Variants in COL5A2 observed in about 807,000 individuals in gnomAD.
The protein encoded by COL5A2 is collagen alpha-2(V) chain.
COL5A2 carries 23 observed loss-of-function variants against 208.2 expected under a neutral mutation model. That is an observed-to-expected ratio of 0.11 (90% confidence interval 0.08 to 0.16). COL5A2 has a LOEUF of 0.16. COL5A2 is among the 10% of genes least tolerant of loss of function. The pLI, the probability that COL5A2 is intolerant of heterozygous loss-of-function variation, is 1.00. For synonymous variants in COL5A2, 625 were observed against 628.5 expected (o/e 0.99, Z 0.08); for missense variants, 1,590 against 1,956.4 (o/e 0.81, Z 3.53).
At chr2:189,364,468 C>T in the COL5A2 span, among the ~76,000 whole-genome samples, 1 of 152,110 alleles carries the variant, frequency 6.6e-6, no homozygotes, top group Non-Finnish European at 1.5e-5. Flanking sequence ...GGGTAAATTA[C>T]CTGAGGACAG....
the COL5A2 span, among the ~76,000 whole-genome samples, chr2:189,400,772 A>G: frequency 6.6e-6 from 1 of 152,214 alleles, no homozygotes; most frequent in South Asian, 2.1e-4. Flanking sequence ...TGTTCTGAGG[A>G]ACAATGATTA....
At chr2:189,134,532 T>C (rs1455507515) in intron 1 of COL5A2, among the ~76,000 whole-genome samples, 1 of 152,184 alleles carries the variant, frequency 6.6e-6, no homozygotes, top group African/African-American at 2.4e-5. Context: ...GAGGTTGCAG[T>C]GAGTCAAGAT....
the COL5A2 span, among the ~76,000 whole-genome samples, chr2:189,346,013 T>C: frequency 0.036 from 5,546 of 152,304 alleles, 117 homozygotes; most frequent in Admixed American, 0.05. Context: ...TCCAACACTC[T>C]TTTCCAACTT....
At chr2:189,133,401 G>A (rs1399717635) in intron 1 of COL5A2, among the ~76,000 whole-genome samples, 1 of 151,958 alleles carries the variant, frequency 6.6e-6, no homozygotes, top group Non-Finnish European at 1.5e-5. Context: ...GATTACAAGC[G>A]TGAGCCACCA....
chr2:189,100,206 G>GGCATATTCTAGGGTGACATGTTT, intron 3 of COL5A2, 67 bp from the exon 4 acceptor site: 1 of 1,255,090 alleles, frequency 8.0e-7, no homozygotes, highest in Non-Finnish European at 1.2e-6. Context: ...GCAAAAACAT[G>GGCATATTCTAGGGTGACATGTTT]TCACCCTAGA....
the COL5A2 span, among the ~76,000 whole-genome samples, chr2:189,361,912 TC>T: frequency 6.6e-6 from 1 of 152,204 alleles, no homozygotes; most frequent in Admixed American, 6.5e-5. Context: ...AATACCATTC[TC>T]CCCCACATTT....
At chr2:189,386,411 T>C in the COL5A2 span, among the ~76,000 whole-genome samples, 30 of 152,110 alleles carry the variant, frequency 2.0e-4, no homozygotes, top group Non-Finnish European at 3.8e-4. Flanking sequence ...CTTCTTGATA[T>C]TGGCATTGGC....
chr2:189,393,010 G>A, the COL5A2 span, among the ~76,000 whole-genome samples: 31 of 152,202 alleles, frequency 2.0e-4, no homozygotes, highest in East Asian at 6.0e-3. Flanking sequence ...TTACAGAATA[G>A]AACTCTACGC....
At chr2:189,256,972 T>C in the COL5A2 span, among the ~76,000 whole-genome samples, 1 of 152,222 alleles carries the variant, frequency 6.6e-6, no homozygotes, top group Non-Finnish European at 1.5e-5. Context: ...CCTTTTTGGA[T>C]GCATCTTAAC....
the COL5A2 span, among the ~76,000 whole-genome samples, chr2:189,379,419 T>G: frequency 6.6e-6 from 1 of 152,212 alleles, no homozygotes; most frequent in East Asian, 1.9e-4. Context: ...AGGCATTTTT[T>G]ACGGCTGGAT....
the COL5A2 span, among the ~76,000 whole-genome samples, chr2:189,331,260 G>A: frequency 1.3e-5 from 2 of 152,200 alleles, no homozygotes; most frequent in Non-Finnish European, 2.9e-5. Context: ...GCCAGGTGCA[G>A]TGGCTCACAC....
In COL5A2 at chr2:189,097,190, T is replaced by A. The variant is rs906413955; in HGVS notation, c.456+87A>T. The A allele has an allele frequency of 1.2e-5, 15 of 1,251,042 alleles. No individual in the cohort carries two copies. In the East Asian group the frequency reaches 3.2e-4, roughly 27 times the overall value. The allele number at this position is 1,251,042 out of a possible 1,614,324, so 77.5% of individuals were successfully genotyped here. On this transcript the variant is annotated intron_variant, in intron 6 of 53. Coordinates refer to ENST00000374866, the MANE Select transcript of COL5A2 (RefSeq NM_000393.5). Reference sequence around the variant, plus strand: ...TTTAATGGAGGTGAAAGAGGAATAGTGCTCCCAGCTTCTTGCTGCATTCAG... The same window carrying A: ...TTTAATGGAGGTGAAAGAGGAATAGAGCTCCCAGCTTCTTGCTGCATTCAG...
the COL5A2 span, among the ~76,000 whole-genome samples, chr2:189,329,183 T>C: frequency 6.6e-6 from 1 of 152,150 alleles, no homozygotes; most frequent in Non-Finnish European, 1.5e-5. Context: ...ACAACATGCA[T>C]GAACCTGGAG....
rs75085784 is a variant in COL5A2 at position 189,114,704 on chromosome 2, G to A, written c.98-4255C>T. Reference sequence around the variant, plus strand: ...CGGTCAGGGAGTAGGGTGGGGTTGCGGGAGGGAGAGCATTAGTAAAAATTA... The same window carrying A: ...CGGTCAGGGAGTAGGGTGGGGTTGCAGGAGGGAGAGCATTAGTAAAAATTA... On this transcript the variant is annotated intron_variant, in intron 1 of 53. Transcript: ENST00000374866. Among the ~76,000 whole-genome samples the A allele has an allele frequency of 6.1e-3, 929 of 151,270 alleles. 9 individuals carry two copies. The highest frequency in any genetic ancestry group is 0.021 in the African/African-American group (858 of 41,214).
At chr2:189,381,275 T>G in the COL5A2 span, among the ~76,000 whole-genome samples, 2 of 152,042 alleles carry the variant, frequency 1.3e-5, no homozygotes, top group Non-Finnish European at 2.9e-5. Context: ...CTATCTCTGA[T>G]GAAGAAACAT....
the COL5A2 span, among the ~76,000 whole-genome samples, chr2:189,286,777 G>C: frequency 1.3e-5 from 2 of 152,006 alleles, no homozygotes; most frequent in Non-Finnish European, 2.9e-5. Flanking sequence ...ATACAATATG[G>C]AATTAGTTTT....
intron 26 of COL5A2, 110 bp downstream of exon 26, chr2:189,063,870 A>AT: frequency 1.2e-6 from 1 of 859,288 alleles, no homozygotes. Context: ...AAATATGTCA[A>AT]TATGACCAGC....
the COL5A2 span, among the ~76,000 whole-genome samples, chr2:189,437,489 G>A: frequency 1.3e-5 from 2 of 152,132 alleles, no homozygotes; most frequent in African/African-American, 4.8e-5. Flanking sequence ...TTTCGCTTTA[G>A]CCACTGGGTA....
At chr2:189,149,961 T>C (rs1559126299) in intron 1 of COL5A2, among the ~76,000 whole-genome samples, 1 of 152,230 alleles carries the variant, frequency 6.6e-6, no homozygotes, top group South Asian at 2.1e-4. Context: ...AAATGATATA[T>C]GTGTCTTATG....
Sources: allele counts gnomAD v4.1 joint callset (sites outside exome capture counted in the v4.1 genomes callset), GRCh38; gene constraint gnomAD v4.1.1; transcripts MANE v1.5; gene names NCBI Gene and HGNC (gene_info 2026-07-23, HGNC 2026-07-21).